The following EXTL3 variants were observed in gnomAD, a reference collection of about 807,000 sequenced individuals.
EXTL3 encodes the protein exostosin-like 3.
In EXTL3, 27 loss-of-function variants were observed where a neutral mutation model predicts 69.3. The ratio of observed to expected loss-of-function variants is 0.39; its 90% CI spans 0.29 to 0.54. The LOEUF is 0.54. Ranked by LOEUF, EXTL3 falls within the 20% of genes least tolerant of loss-of-function variation. The pLI is 0.69. For missense variants in EXTL3, 1,003 were observed against 1,231.8 expected, an observed-to-expected ratio of 0.81 and a Z score of 2.78; for synonymous variants, 511 against 499.4, an observed-to-expected ratio of 1.02 and a Z score of -0.31.
chr8:28,750,961 T>C lies in EXTL3; in HGVS notation c.*95T>C. On this transcript the variant is annotated 3_prime_UTR_variant, in exon 7 of 7. Coordinates refer to ENST00000220562, the MANE Select transcript of EXTL3 (RefSeq NM_001440.4). The surrounding 1 kb of genome is among the most constrained non-coding windows in gnomAD (Gnocchi z 5.2). ...GCAGGACCTTGGGCACATCTGCTGG[T>C]GGGTGGCCCAGAGCCTCTGCTGGAA... is the stretch of plus-strand genomic sequence containing the variant. The C allele has an allele frequency of 1.8e-6, 2 of 1,102,580 alleles. No individual in the cohort carries two copies. Among genetic ancestry groups the C allele is most frequent in the South Asian group, 2.6e-5 (2 of 77,070 alleles). The allele number at this position is 1,102,580 out of a possible 1,614,324, so 68.3% of individuals were successfully genotyped here.
At chr8:28,676,091 A>G (rs1313335393) in intron 1 of EXTL3, among the ~76,000 whole-genome samples, 2 of 151,956 alleles carry the variant, frequency 1.3e-5, no homozygotes, top group Non-Finnish European at 2.9e-5. Flanking sequence ...GCTGAAACAT[A>G]GACTCAAAGG....
chr8:28,642,233 C>T (rs1806755764), intron 1 of EXTL3, among the ~76,000 whole-genome samples: 1 of 151,910 alleles, frequency 6.6e-6, no homozygotes, highest in African/African-American at 2.4e-5. Flanking sequence ...TGCTTGAGTC[C>T]AGGAGTTCGA....
At chr8:28,625,944 T>C (rs542852804) in intron 1 of EXTL3, among the ~76,000 whole-genome samples, 2 of 144,448 alleles carry the variant, frequency 1.4e-5, no homozygotes, top group East Asian at 4.0e-4. Flanking sequence ...GAGGATTGCT[T>C]GAACCCAGGA....
chr8:28,721,155 A>C (rs1032124061), intron 3 of EXTL3, among the ~76,000 whole-genome samples: 2 of 152,142 alleles, frequency 1.3e-5, no homozygotes, highest in African/African-American at 4.8e-5. Context: ...TATTCTGGAA[A>C]GTGTTGATAT....
At chr8:28,743,770 A>G (rs1043867690) in intron 6 of EXTL3, among the ~76,000 whole-genome samples, 1 of 152,228 alleles carries the variant, frequency 6.6e-6, no homozygotes, top group Non-Finnish European at 1.5e-5. Flanking sequence ...TTATATACCT[A>G]AAAACATTAC....
At chr8:28,741,587 A>C (rs1465061852) in intron 5 of EXTL3, 2 of 152,166 alleles carry the variant, frequency 1.3e-5, no homozygotes, top group Admixed American at 6.5e-5. Flanking sequence ...AGTAGCAGGC[A>C]GTACAGGCAC....
chr8:28,738,239 C>T (rs967151882), intron 5 of EXTL3, among the ~76,000 whole-genome samples: 3 of 152,322 alleles, frequency 2.0e-5, no homozygotes, highest in African/African-American at 7.2e-5. Context: ...TCTTCCCTCT[C>T]TACCTCTTCC....
intron 1 of EXTL3, among the ~76,000 whole-genome samples, chr8:28,652,515 G>A (rs939925594): frequency 6.6e-6 from 1 of 152,036 alleles, no homozygotes; most frequent in Non-Finnish European, 1.5e-5. Flanking sequence ...TTATCTGGCT[G>A]TGGTGGTGCA....
intron 3 of EXTL3, among the ~76,000 whole-genome samples, chr8:28,722,231 C>T (rs1290436928): frequency 1.3e-5 from 2 of 152,122 alleles, no homozygotes; most frequent in Non-Finnish European, 2.9e-5. Flanking sequence ...CAGGACAGTG[C>T]AGGTCGTGGT....
chr8:28,650,013 T>A (rs1425490161), intron 1 of EXTL3, among the ~76,000 whole-genome samples: 2 of 151,854 alleles, frequency 1.3e-5, no homozygotes, highest in Non-Finnish European at 2.9e-5. Context: ...CTGGCCAACA[T>A]GGTGAAACCC....
At chr8:28,666,817 T>C (rs1807204448) in intron 1 of EXTL3, among the ~76,000 whole-genome samples, 2 of 152,240 alleles carry the variant, frequency 1.3e-5, no homozygotes, top group South Asian at 4.1e-4. Flanking sequence ...TCAGGTGATC[T>C]GCCTGCCTCG....
At chr8:28,654,226 A>G (rs897410884) in intron 1 of EXTL3, among the ~76,000 whole-genome samples, 1 of 152,246 alleles carries the variant, frequency 6.6e-6, no homozygotes, top group African/African-American at 2.4e-5. Context: ...TATTTTTAAT[A>G]CCAGAATTGG....
chr8:28,745,843 G>A (rs1801877802), intron 6 of EXTL3, among the ~76,000 whole-genome samples: 1 of 152,156 alleles, frequency 6.6e-6, no homozygotes, highest in South Asian at 2.1e-4. Flanking sequence ...TAGACATGGT[G>A]CACATGATTC....
At chr8:28,636,504 A>G (rs1054865493) in intron 1 of EXTL3, among the ~76,000 whole-genome samples, 6 of 152,186 alleles carry the variant, frequency 3.9e-5, no homozygotes, top group Admixed American at 3.3e-4. Flanking sequence ...TCCAAGGGCA[A>G]TATCTGCCCT....
At chr8:28,686,174 C>T (rs957681782) in intron 1 of EXTL3, among the ~76,000 whole-genome samples, 3 of 151,862 alleles carry the variant, frequency 2.0e-5, no homozygotes, top group Non-Finnish European at 2.9e-5. Context: ...CCTATGTTTG[C>T]GTATATGTAA....
chr8:28,749,689 A>G (rs1801965246), intron 6 of EXTL3, among the ~76,000 whole-genome samples: 1 of 152,040 alleles, frequency 6.6e-6, no homozygotes, highest in Admixed American at 6.5e-5. Flanking sequence ...TCATGCATGC[A>G]TGTATGTATG....
At chr8:28,702,132 C>T (rs901063084) in intron 1 of EXTL3, among the ~76,000 whole-genome samples, 3 of 152,176 alleles carry the variant, frequency 2.0e-5, no homozygotes, top group Non-Finnish European at 1.5e-5. Context: ...ACTACCCCCA[C>T]CCCTTCCCGA....
chr8:28,722,296 G>A (rs1801307092), intron 3 of EXTL3, among the ~76,000 whole-genome samples: 1 of 152,190 alleles, frequency 6.6e-6, no homozygotes, highest in Non-Finnish European at 1.5e-5. Flanking sequence ...AGGGTGTTGA[G>A]CAGAGGAGGC....
At chr8:28,669,539 G>A (rs1377565002) in intron 1 of EXTL3, among the ~76,000 whole-genome samples, 1 of 152,184 alleles carries the variant, frequency 6.6e-6, no homozygotes, top group Non-Finnish European at 1.5e-5. Flanking sequence ...GTTTGAGAAG[G>A]GGTGTGTGTG....
Sources: allele counts gnomAD v4.1 joint callset (sites outside exome capture counted in the v4.1 genomes callset), GRCh38; gene constraint gnomAD v4.1.1; non-coding constraint Gnocchi (gnomAD v3.1); transcripts MANE v1.5; gene names NCBI Gene and HGNC (gene_info 2026-07-23, HGNC 2026-07-21).